The following MAGI2 variants were observed in gnomAD, a reference collection of about 807,000 sequenced individuals.
The protein encoded by MAGI2 is membrane-associated guanylate kinase, WW and PDZ domain-containing protein 2.
MAGI2 carries 35 observed loss-of-function variants against 133.3 expected under a neutral mutation model. That is an observed-to-expected ratio of 0.26 (90% CI 0.20 to 0.35). The LOEUF is 0.35. Among genes scored for constraint, MAGI2 ranks in the 10% least tolerant of loss-of-function variants. MAGI2 has a pLI of 1.00. For synonymous variants in MAGI2, 729 were observed against 710.6 expected, an observed-to-expected ratio of 1.03 and a Z score of -0.41; for missense variants, 1,636 against 1,863.4, an observed-to-expected ratio of 0.88 and a Z score of 2.25.
intron 2 of MAGI2, among the ~76,000 whole-genome samples, chr7:78,937,789 C>G (rs542980512): frequency 5.3e-5 from 8 of 152,252 alleles, no homozygotes; most frequent in African/African-American, 1.9e-4. Context: ...AGATACTTAA[C>G]TCCTCTGTGC....
chr7:78,525,897 T>C (rs1310905621), intron 3 of MAGI2, among the ~76,000 whole-genome samples: 5 of 152,000 alleles, frequency 3.3e-5, no homozygotes, highest in Admixed American at 6.6e-5. Flanking sequence ...AAATGGGGAG[T>C]AGAGTAACTC....
At chr7:78,865,442 G>C (rs938633993) in intron 2 of MAGI2, among the ~76,000 whole-genome samples, 1 of 152,116 alleles carries the variant, frequency 6.6e-6, no homozygotes, top group East Asian at 1.9e-4. Flanking sequence ...AACAAAAGGG[G>C]GTGGTTGCTA....
chr7:78,900,188 A>C (rs1797514192), intron 2 of MAGI2, among the ~76,000 whole-genome samples: 1 of 152,094 alleles, frequency 6.6e-6, no homozygotes, highest in Non-Finnish European at 1.5e-5. Flanking sequence ...ATCAAGATGG[A>C]CCCTTACTCA....
intron 9 of MAGI2, among the ~76,000 whole-genome samples, chr7:78,294,085 T>C (rs117494229): frequency 6.9e-6 from 1 of 144,608 alleles, no homozygotes; most frequent in Non-Finnish European, 1.5e-5. Context: ...AATAAAAAAA[T>C]ATATATAATT....
intron 9 of MAGI2, among the ~76,000 whole-genome samples, chr7:78,297,359 G>C (rs1229172075): frequency 6.6e-6 from 1 of 151,960 alleles, no homozygotes; most frequent in Non-Finnish European, 1.5e-5. Flanking sequence ...GGAGAAATAG[G>C]AACACTTTTA....
At chr7:78,724,812 T>C (rs1045185135) in intron 2 of MAGI2, among the ~76,000 whole-genome samples, 5 of 152,180 alleles carry the variant, frequency 3.3e-5, no homozygotes, top group African/African-American at 1.2e-4. Flanking sequence ...CTAATAACAA[T>C]GCATAACAGC....
intron 3 of MAGI2, among the ~76,000 whole-genome samples, chr7:78,585,412 G>A (rs1039883579): frequency 5.9e-5 from 9 of 152,202 alleles, no homozygotes; most frequent in African/African-American, 1.7e-4. Context: ...AATAGTGACT[G>A]TACCCAGGAA....
intron 2 of MAGI2, among the ~76,000 whole-genome samples, chr7:78,825,650 C>T: frequency 6.6e-6 from 1 of 152,268 alleles, no homozygotes; most frequent in East Asian, 1.9e-4. Context: ...TCTTCTTTCA[C>T]TCTTTAGCTA....
intron 20 of MAGI2, among the ~76,000 whole-genome samples, chr7:78,110,289 T>C (rs1819222398): frequency 6.6e-6 from 1 of 152,184 alleles, no homozygotes; most frequent in Non-Finnish European, 1.5e-5. Context: ...GAGGAGTCTT[T>C]TTCTTCCACA....
intron 1 of MAGI2, among the ~76,000 whole-genome samples, chr7:79,416,934 G>A (rs908637051): frequency 2.0e-5 from 3 of 151,420 alleles, no homozygotes; most frequent in Non-Finnish European, 1.5e-5. Context: ...GAGTTTCACC[G>A]TATTGGCTAG....
intron 6 of MAGI2, among the ~76,000 whole-genome samples, chr7:78,404,751 A>C (rs2151357730): frequency 6.6e-6 from 1 of 152,332 alleles, no homozygotes; most frequent in East Asian, 1.9e-4. Context: ...TTCAGGACAC[A>C]GGCACGGGCA....
At position 78,890,152 on chromosome 7, in the gene MAGI2, G is replaced by T. The variant is rs530796268; in HGVS notation, c.418+116938C>A. Among the ~76,000 whole-genome samples, 455 of 152,138 alleles carry T rather than the reference G, an allele frequency of 3.0e-3. 2 individuals are homozygous for T. The highest frequency in any genetic ancestry group is 0.011 in the African/African-American group (435 of 41,426). ...AGAAGGCCATTACATAATGGTAAAG[G>T]GATCAATTCAACAAGAAGAGCTAAC... On this transcript the variant is annotated intron_variant, in intron 2 of 21. Transcript: ENST00000354212.
chr7:78,380,983 T>C (rs1562918085), intron 6 of MAGI2, among the ~76,000 whole-genome samples: 1 of 152,310 alleles, frequency 6.6e-6, no homozygotes, highest in East Asian at 1.9e-4. Flanking sequence ...ATGAGCCCCA[T>C]CTTTCTAGCT....
At position 78,819,985 on chromosome 7, in the gene MAGI2, T is replaced by C. The variant is rs1183475621; in HGVS notation, c.418+187105A>G. 2.6e-5 allele frequency among the ~76,000 whole-genome samples: 4 copies of C among 151,962 alleles called. No homozygotes were observed. The East Asian group carries it at 7.7e-4, about 29-fold the overall frequency. Reference sequence around the variant, plus strand: ...TATCATGAGACACAATACATCTATTTAGTAGTTTTCAGCTAAGTCCATGTA... The same window carrying C: ...TATCATGAGACACAATACATCTATTCAGTAGTTTTCAGCTAAGTCCATGTA... On this transcript the variant is annotated intron_variant, in intron 2 of 21. Coordinates refer to ENST00000354212, the MANE Select transcript of MAGI2 (RefSeq NM_012301.4).
intron 2 of MAGI2, among the ~76,000 whole-genome samples, chr7:79,002,447 T>C (rs935910857): frequency 2.6e-4 from 39 of 152,130 alleles, no homozygotes; most frequent in African/African-American, 8.9e-4. Flanking sequence ...AGCCTGTGTA[T>C]TTGCACACAC....
chr7:79,033,316 G>T (rs1810789776), intron 1 of MAGI2, among the ~76,000 whole-genome samples: 1 of 152,160 alleles, frequency 6.6e-6, no homozygotes, highest in Admixed American at 6.5e-5. Flanking sequence ...ACACCATTTG[G>T]TCACCTATGT....
intron 21 of MAGI2, among the ~76,000 whole-genome samples, chr7:78,052,324 G>A (rs781581716): frequency 1.3e-5 from 2 of 152,076 alleles, no homozygotes; most frequent in East Asian, 3.9e-4. Flanking sequence ...CCTGGGGAAC[G>A]AGTTGTTGGA....
At chr7:79,125,152 G>T in intron 1 of MAGI2, 1 of 326,966 alleles carries the variant, frequency 3.1e-6, no homozygotes, top group East Asian at 7.1e-5. Flanking sequence ...TACTGACAGA[G>T]GCAGTGGTAA....
intron 20 of MAGI2, among the ~76,000 whole-genome samples, chr7:78,114,864 T>G (rs1819702273): frequency 6.6e-6 from 1 of 152,160 alleles, no homozygotes; most frequent in Non-Finnish European, 1.5e-5. Flanking sequence ...TGCTACAGAA[T>G]GAATGCGGCG....
Sources: allele counts gnomAD v4.1 joint callset (sites outside exome capture counted in the v4.1 genomes callset), GRCh38; gene constraint gnomAD v4.1.1; transcripts MANE v1.5; gene names NCBI Gene and HGNC (gene_info 2026-07-23, HGNC 2026-07-21).